The following ZNRF2 variants were observed in gnomAD, a reference collection of about 807,000 sequenced individuals.
ZNRF2 encodes E3 ubiquitin-protein ligase ZNRF2.
ZNRF2 carries 16 observed loss-of-function variants against 20.4 expected under a neutral mutation model. That is an observed-to-expected ratio of 0.79 (90% CI 0.53 to 1.19). ZNRF2 has a LOEUF of 1.19. ZNRF2 is among the 50% of genes most tolerant of loss of function. The probability of loss-of-function intolerance (pLI) is 0.00; values close to 1 mark genes in which losing one functional copy is unlikely to be tolerated. For synonymous variants in ZNRF2, 178 were observed against 144.9 expected (o/e 1.23, Z -1.64); for missense variants, 363 against 332.4 (o/e 1.09, Z -0.72).
intron 1 of ZNRF2, among the ~76,000 whole-genome samples, chr7:30,297,707 G>A (rs1345955424): frequency 4.6e-5 from 7 of 151,064 alleles, no homozygotes; most frequent in Non-Finnish European, 2.9e-5. Flanking sequence ...ATATTTGGTA[G>A]GCTCTTTGAG....
At chr7:30,335,833 G>A (rs1416118581) in intron 2 of ZNRF2, among the ~76,000 whole-genome samples, 1 of 152,176 alleles carries the variant, frequency 6.6e-6, no homozygotes, top group Non-Finnish European at 1.5e-5. Context: ...TTTGTTTAAA[G>A]ACTAGTTCGG....
chr7:30,337,607 C>T (rs1022267974), intron 2 of ZNRF2, among the ~76,000 whole-genome samples: 14 of 152,134 alleles, frequency 9.2e-5, no homozygotes, highest in African/African-American at 3.4e-4. Context: ...CTCTGTTTTC[C>T]AGGGCTATTC....
rs565350228 is a variant in ZNRF2, at chr7:30,303,048, A to C, written c.469+17222A>C. On this transcript the variant is annotated intron_variant, in intron 1 of 4. Coordinates refer to ENST00000323037, the MANE Select transcript of ZNRF2 (RefSeq NM_147128.4). ...GTAATCCTAACACTTTGGGAAGCTG[A>C]GGCGAGTGGATAGCTTGACCCCAGG... Among the ~76,000 whole-genome samples the C allele has an allele frequency of 5.3e-5, 8 of 152,302 alleles. 1 individual carries two copies. The South Asian group carries it at 1.7e-3, about 32-fold the overall frequency.
intron 1 of ZNRF2, among the ~76,000 whole-genome samples, chr7:30,317,049 GA>G (rs1236248554): frequency 1.3e-5 from 2 of 151,450 alleles, no homozygotes; most frequent in Non-Finnish European, 2.9e-5. Flanking sequence ...AACGGAATTT[GA>G]AAAAAAATGC....
intron 2 of ZNRF2, among the ~76,000 whole-genome samples, chr7:30,348,055 A>G (rs1320203547): frequency 6.6e-6 from 1 of 152,126 alleles, no homozygotes; most frequent in Non-Finnish European, 1.5e-5. Context: ...TCACCCACAT[A>G]TACTAATAAA....
intron 1 of ZNRF2, among the ~76,000 whole-genome samples, chr7:30,318,035 T>C (rs1350774871): frequency 6.6e-6 from 1 of 152,218 alleles, no homozygotes; most frequent in Non-Finnish European, 1.5e-5. Context: ...GGAAATAAAT[T>C]AGTCAGATTA....
At chr7:30,312,307 G>C (rs922375847) in intron 1 of ZNRF2, among the ~76,000 whole-genome samples, 1 of 152,138 alleles carries the variant, frequency 6.6e-6, no homozygotes, top group Admixed American at 6.5e-5. Flanking sequence ...TAGGTATTTT[G>C]TTGCATTTGA....
intron 2 of ZNRF2, among the ~76,000 whole-genome samples, chr7:30,347,155 AATG>A (rs1307255622): frequency 1.3e-5 from 2 of 152,130 alleles, no homozygotes; most frequent in African/African-American, 4.8e-5. Context: ...TTACATAGTT[AATG>A]ATCTTTCTCA....
At chr7:30,286,713 A>G (rs748210906) in intron 1 of ZNRF2, among the ~76,000 whole-genome samples, 1 of 152,258 alleles carries the variant, frequency 6.6e-6, no homozygotes, top group Non-Finnish European at 1.5e-5. Flanking sequence ...AAACGCTAAT[A>G]GTAAATGAAT....
At chr7:30,303,274 A>G (rs1438581666) in intron 1 of ZNRF2, among the ~76,000 whole-genome samples, 1 of 151,696 alleles carries the variant, frequency 6.6e-6, no homozygotes, top group Non-Finnish European at 1.5e-5. Flanking sequence ...AAAAAAAAAA[A>G]AAAGAAAAAG....
intron 2 of ZNRF2, among the ~76,000 whole-genome samples, chr7:30,338,144 C>G (rs182403270): frequency 4.6e-5 from 7 of 152,086 alleles, no homozygotes; most frequent in Admixed American, 4.6e-4. Flanking sequence ...TTAAACTGTT[C>G]CTGGTATTTT....
intron 1 of ZNRF2, among the ~76,000 whole-genome samples, chr7:30,311,223 A>T (rs1326860018): frequency 6.6e-6 from 1 of 152,186 alleles, no homozygotes; most frequent in East Asian, 1.9e-4. Context: ...GGTCCGGCAC[A>T]AGAACCTGCA....
rs1798750255 is a variant in ZNRF2, at chr7:30,285,185, G to C, written c.-173G>C. The C allele has an allele frequency of 2.2e-6, 1 of 445,906 alleles. No individual in the cohort carries two copies. The highest frequency in any genetic ancestry group is 3.8e-6 in the Non-Finnish European group (1 of 260,936). 27.6% of individuals were successfully genotyped at this position (445,906 alleles called of 1,614,324 possible). A position where few individuals can be genotyped will look rare whatever the true frequency, so the allele number is the denominator to read the frequency against. On this transcript the variant is annotated 5_prime_UTR_variant, in exon 1 of 5. Coordinates refer to ENST00000323037, the MANE Select transcript of ZNRF2 (RefSeq NM_147128.4). ...TCGGCCTCGCCCGCCGCCCCAAGAA[G>C]AGCGCGCCGGGCGCCGACTGCCCCT...
chr7:30,322,485 A>G (rs1437540859), intron 1 of ZNRF2, among the ~76,000 whole-genome samples: 1 of 151,702 alleles, frequency 6.6e-6, no homozygotes, highest in Non-Finnish European at 1.5e-5. Context: ...TCCTGTCTAC[A>G]CTCTAGCTTC....
rs1315440560 is a variant in ZNRF2, at chr7:30,340,177, A to G, written c.566-15551A>G. 5.9e-5 allele frequency among the ~76,000 whole-genome samples: 9 copies of G among 152,194 alleles called. 1 individual carries two copies. Among genetic ancestry groups the G allele is most frequent in the Non-Finnish European group, 8.8e-5 (6 of 68,040 alleles). On this transcript the variant is annotated intron_variant, in intron 2 of 4. Transcript: ENST00000323037. ...AGACGATGGGGTTTCTAAATATACA[A>G]TCATGTCATCTGCAAGCAGAGACAA... is the stretch of plus-strand genomic sequence containing the variant.
At chr7:30,294,289 C>T (rs1444785191) in intron 1 of ZNRF2, among the ~76,000 whole-genome samples, 1 of 152,166 alleles carries the variant, frequency 6.6e-6, no homozygotes, top group Non-Finnish European at 1.5e-5. Context: ...CATATAGTCA[C>T]TTCCCAAAGC....
At chr7:30,360,964 A>G (rs1431186803) in intron 3 of ZNRF2, among the ~76,000 whole-genome samples, 2 of 152,248 alleles carry the variant, frequency 1.3e-5, no homozygotes, top group Non-Finnish European at 2.9e-5. Flanking sequence ...AATCATGTAA[A>G]TAACAAATGA....
intron 1 of ZNRF2, among the ~76,000 whole-genome samples, chr7:30,302,539 ATG>A (rs1799134873): frequency 6.7e-6 from 1 of 149,846 alleles, no homozygotes. Context: ...TTAAAGTACT[ATG>A]TTTTTTTTTT....
chr7:30,316,742 A>G (rs1799382500), intron 1 of ZNRF2, among the ~76,000 whole-genome samples: 1 of 152,144 alleles, frequency 6.6e-6, no homozygotes, highest in Non-Finnish European at 1.5e-5. Context: ...AAGTTTACCT[A>G]TTAGAAAACC....
Sources: allele counts gnomAD v4.1 joint callset (sites outside exome capture counted in the v4.1 genomes callset), GRCh38; gene constraint gnomAD v4.1.1; transcripts MANE v1.5; gene names NCBI Gene and HGNC (gene_info 2026-07-23, HGNC 2026-07-21).